The following OR10H5 variants were observed in gnomAD, a reference collection of about 807,000 sequenced individuals.
The protein encoded by OR10H5 is olfactory receptor family 10 subfamily H member 5.
Under a neutral mutation model 12.2 loss-of-function variants are expected in OR10H5, and 7 were observed. That is an observed-to-expected ratio of 0.57 (90% CI 0.33 to 1.07). OR10H5 has a LOEUF of 1.07. Among genes scored for constraint, OR10H5 ranks in the 50% least tolerant of loss-of-function variants. The pLI is 0.04. For synonymous variants in OR10H5, 159 were observed against 175.1 expected (o/e 0.91, Z 0.73); for missense variants, 346 against 411.6 (o/e 0.84, Z 1.38).
intron 1 of OR10H5, among the ~76,000 whole-genome samples, chr19:15,792,723 C>T (rs1409160579): frequency 2.0e-5 from 3 of 152,158 alleles, no homozygotes; most frequent in East Asian, 3.8e-4. Flanking sequence ...ACCTCGGCCT[C>T]CCAAAGTGCT....
rs1297235565 is a variant in OR10H5, at chr19:15,800,126, C to A, written c.*5130C>A. On this transcript the variant is annotated 3_prime_UTR_variant, in exon 2 of 2. Coordinates refer to ENST00000642092, the MANE Select transcript of OR10H5 (RefSeq NM_001004466.2). ...TTCCTGACTTCTCCACACTCGGTCA[C>A]CACCCCTATTACAAGCCCTCATAGC... 1 of 152,212 alleles carries A rather than the reference C, an allele frequency of 6.6e-6. No individual in the cohort carries two copies. The highest frequency in any genetic ancestry group is 6.6e-5 in the Admixed American group (1 of 15,254). The allele number at this position is 152,212 out of a possible 1,614,324, so 9.4% of individuals were successfully genotyped here.
At chr19:15,788,163 G>T (rs138643377) in intron 1 of OR10H5, among the ~76,000 whole-genome samples, 1 of 152,242 alleles carries the variant, frequency 6.6e-6, no homozygotes, top group Non-Finnish European at 1.5e-5. Context: ...AGTTGTGTGC[G>T]CTTGTATGAG....
Position 15,794,309 on chromosome 19 carries a change from C to T in OR10H5, c.261C>T (p.Ser87=). The change falls in exon 2 of 2, where the codon TCC becomes TCT. Residue 87 remains serine (S), a synonymous_variant. Transcript: ENST00000642092. The part of the protein sequence containing the change: ...IIPRMLADLL[S]TQRSIAFLAC... ...CGCGCATGCTGGCCGACCTGCTGTC[C>T]ACCCAGCGCTCCATCGCCTTCCTGG... The T allele has an allele frequency of 6.2e-7, 1 of 1,614,106 alleles. No individual in the cohort carries two copies. The highest frequency in any genetic ancestry group is 8.5e-7 in the Non-Finnish European group (1 of 1,179,994).
rs1568449463 is a variant in OR10H5, at chr19:15,794,427, T to A, written c.379T>A (p.Cys127Ser). The change falls in exon 2 of 2, where the codon TGC (cysteine) becomes AGC (serine). Residue 127 changes from cysteine (C) to serine (S), a missense_variant. Coordinates refer to ENST00000642092, the MANE Select transcript of OR10H5 (RefSeq NM_001004466.2). ...VMGYDRYVAICHPLRYNVLMS... is the reference protein window; with the variant it reads ...VMGYDRYVAISHPLRYNVLMS... ...GGGCTACGACCGCTACGTGGCCATCTGCCACCCCCTGCGTTACAACGTGCT... is the reference window on the plus strand; with the variant it reads ...GGGCTACGACCGCTACGTGGCCATCAGCCACCCCCTGCGTTACAACGTGCT... 6 of 1,614,240 alleles carry A rather than the reference T, an allele frequency of 3.7e-6. No homozygotes were observed. Among genetic ancestry groups the A allele is most frequent in the Non-Finnish European group, 5.1e-6 (6 of 1,180,046 alleles).
In OR10H5 at chr19:15,797,098, C is replaced by T. The variant is rs62106071; in HGVS notation, c.*2102C>T. ...CGAGATTGGGCCATGGCACTCTAGC[C>T]TGGGTGACAGAGCGAGACTCTGTCT... On this transcript the variant is annotated 3_prime_UTR_variant, in exon 2 of 2. Transcript: ENST00000642092. 12,715 of 152,164 alleles carry T rather than the reference C, an allele frequency of 0.084. 598 individuals are homozygous for T. Among genetic ancestry groups the T allele is most frequent in the Middle Eastern group, 0.12 (35 of 296 alleles). The allele number at this position is 152,164 out of a possible 1,614,324, so 9.4% of individuals were successfully genotyped here.
rs1490409989 is a variant in OR10H5, at chr19:15,795,227, C to T, written c.*231C>T. 3 of 542,258 alleles carry T rather than the reference C, an allele frequency of 5.5e-6. No individual in the cohort carries two copies. The highest frequency in any genetic ancestry group is 9.6e-6 in the Non-Finnish European group (3 of 311,050). 33.6% of individuals were successfully genotyped at this position (542,258 alleles called of 1,614,324 possible). A position where few individuals can be genotyped will look rare whatever the true frequency, so the allele number is the denominator to read the frequency against. The stretch of plus-strand genomic sequence containing the variant: ...CTCCCTCCCTCCCTCCCCCTTCCTT[C>T]TTCTCTGCCTACTTCCCTCTTTCCC... On this transcript the variant is annotated 3_prime_UTR_variant, in exon 2 of 2. Transcript: ENST00000642092.
At position 15,794,938 on chromosome 19, in the gene OR10H5, A is replaced by C. The variant is rs771285691; in HGVS notation, c.890A>C (p.Glu297Ala). ...SPIIFSLRNKELKVAMKKTCF... is the reference protein window; with the variant it reads ...SPIIFSLRNKALKVAMKKTCF... ...ATCATCTTCAGCCTCAGGAACAAGG[A>C]GCTGAAGGTCGCCATGAAGAAGACT... Residue 297 changes from glutamate (E) to alanine (A), a missense_variant, in exon 2 of 2, where the codon GAG becomes GCG. By Grantham distance (107) the Glu-to-Ala change is moderately radical. Coordinates refer to ENST00000642092, the MANE Select transcript of OR10H5 (RefSeq NM_001004466.2). The C allele has an allele frequency of 6.2e-7, 1 of 1,614,080 alleles. No individual in the cohort carries two copies. Among genetic ancestry groups the C allele is most frequent in the Admixed American group, 1.7e-5 (1 of 60,000 alleles).
At chr19:15,788,729 T>A (rs1181739855) in intron 1 of OR10H5, among the ~76,000 whole-genome samples, 1 of 151,936 alleles carries the variant, frequency 6.6e-6, no homozygotes, top group African/African-American at 2.4e-5. Context: ...ATTCAAGCAA[T>A]CCCCCGCCCC....
At chr19:15,788,997 T>C (rs2088797004) in intron 1 of OR10H5, among the ~76,000 whole-genome samples, 1 of 152,158 alleles carries the variant, frequency 6.6e-6, no homozygotes, top group African/African-American at 2.4e-5. Context: ...AAGCCTGGCA[T>C]ACATTAGCTA....
intron 1 of OR10H5, among the ~76,000 whole-genome samples, chr19:15,791,682 A>G (rs2088809763): frequency 6.6e-6 from 1 of 150,790 alleles, no homozygotes; most frequent in Admixed American, 6.6e-5. Flanking sequence ...CTTTGTTTGC[A>G]TGAATTATTA....
Position 15,796,780 on chromosome 19 carries a change from A to G in OR10H5, c.*1784A>G, listed in dbSNP as rs2088841820. The G allele has an allele frequency of 6.6e-6, 1 of 151,532 alleles. No individual in the cohort carries two copies. Among genetic ancestry groups the G allele is most frequent in the Non-Finnish European group, 1.5e-5 (1 of 67,902 alleles). The allele number at this position is 151,532 out of a possible 1,614,324, so 9.4% of individuals were successfully genotyped here. On this transcript the variant is annotated 3_prime_UTR_variant, in exon 2 of 2. Coordinates refer to ENST00000642092, the MANE Select transcript of OR10H5 (RefSeq NM_001004466.2). ...CAAAAAATTAAATTAAATTAAATTA[A>G]ACGCTTTGCAAAAAAAAAAAACTAC...
In OR10H5 at chr19:15,798,721, A is replaced by T. The variant is rs1235151841; in HGVS notation, c.*3725A>T. ...TCTTGTTTCACCCCCAAAATCCTCC[A>T]GTTTCTGTCTGCCAAGCAGCTAGAA... On this transcript the variant is annotated 3_prime_UTR_variant, in exon 2 of 2. Transcript: ENST00000642092. The T allele has an allele frequency of 2.9e-5, 4 of 139,958 alleles. No individual in the cohort carries two copies. Among genetic ancestry groups the T allele is most frequent in the African/African-American group, 1.1e-4 (4 of 37,456 alleles). 8.7% of individuals were successfully genotyped at this position (139,958 alleles called of 1,614,324 possible).
intron 1 of OR10H5, among the ~76,000 whole-genome samples, chr19:15,792,206 TC>T (rs551233384): frequency 0.01 from 1,568 of 152,208 alleles, 16 homozygotes; most frequent in Non-Finnish European, 0.016. Context: ...TTTTTCATTA[TC>T]ATTTTTTTAT....
At chr19:15,789,526 T>C (rs970853485) in intron 1 of OR10H5, among the ~76,000 whole-genome samples, 2 of 152,116 alleles carry the variant, frequency 1.3e-5, no homozygotes, top group Non-Finnish European at 2.9e-5. Context: ...GTTCTGCGTG[T>C]GCATCATTCT....
intron 1 of OR10H5, among the ~76,000 whole-genome samples, chr19:15,793,035 T>C (rs2088816325): frequency 6.6e-6 from 1 of 152,204 alleles, no homozygotes; most frequent in Non-Finnish European, 1.5e-5. Flanking sequence ...TATTACTATT[T>C]GTGAGGTTCT....
chr19:15,791,125 C>T (rs2088807536), intron 1 of OR10H5, among the ~76,000 whole-genome samples: 1 of 152,138 alleles, frequency 6.6e-6, no homozygotes, highest in Non-Finnish European at 1.5e-5. Flanking sequence ...GCAGGCAGAT[C>T]ACTTGAGGAC....
intron 1 of OR10H5, 31 bp from the exon 2 acceptor site, chr19:15,794,007 C>T: frequency 6.4e-7 from 1 of 1,571,998 alleles, no homozygotes; most frequent in Non-Finnish European, 8.7e-7. Flanking sequence ...CTCCTAACCA[C>T]TGGGTCTTCT....
At chr19:15,789,570 C>T (rs150890033) in intron 1 of OR10H5, among the ~76,000 whole-genome samples, 117 of 152,078 alleles carry the variant, frequency 7.7e-4, no homozygotes, top group African/African-American at 2.7e-3. Context: ...TGAGGTTCTG[C>T]GTGTGCACCA....
At chr19:15,788,639 AG>A (rs1323477977) in intron 1 of OR10H5, among the ~76,000 whole-genome samples, 2 of 152,092 alleles carry the variant, frequency 1.3e-5, no homozygotes, top group Non-Finnish European at 2.9e-5. Flanking sequence ...CTGTTAGCGC[AG>A]GCACACAGCA....
Sources: gnomAD v4.1 joint callset for allele counts (sites outside exome capture counted in the v4.1 genomes callset) on GRCh38, gnomAD v4.1.1 for gene constraint, MANE v1.5 for transcripts, NCBI Gene and HGNC (gene_info 2026-07-23, HGNC 2026-07-21) for gene names.